Variants in AKAP6 observed in about 807,000 individuals in gnomAD.
AKAP6 encodes A-kinase anchoring protein 6.
AKAP6 carries 58 observed loss-of-function variants against 188.5 expected under a neutral mutation model. The ratio of observed to expected loss-of-function variants is 0.31; its 90% CI spans 0.25 to 0.38. The LOEUF is 0.38. Ranked by LOEUF, AKAP6 falls within the 10% of genes least tolerant of loss-of-function variation. The pLI is 1.00. For synonymous variants in AKAP6, 989 were observed against 998.6 expected (o/e 0.99, Z 0.18); for missense variants, 2,710 against 2,740.0 (o/e 0.99, Z 0.24).
intron 2 of AKAP6, among the ~76,000 whole-genome samples, chr14:32,476,383 A>G (rs1879067345): frequency 6.6e-6 from 1 of 152,184 alleles, no homozygotes. Flanking sequence ...GTGCCTCCTT[A>G]TTTGGAAGCC....
At chr14:32,384,483 A>T (rs529103139) in intron 1 of AKAP6, among the ~76,000 whole-genome samples, 1 of 152,290 alleles carries the variant, frequency 6.6e-6, no homozygotes, top group South Asian at 2.1e-4. Context: ...GATAATGGCT[A>T]CCTACAAGAA....
At chr14:32,472,043 G>T (rs183597747) in intron 2 of AKAP6, among the ~76,000 whole-genome samples, 1 of 152,036 alleles carries the variant, frequency 6.6e-6, no homozygotes, top group Non-Finnish European at 1.5e-5. Flanking sequence ...CCCAGGAATC[G>T]GATTCTGAGG....
intron 7 of AKAP6, among the ~76,000 whole-genome samples, chr14:32,675,370 G>A (rs1317709476): frequency 1.3e-5 from 2 of 152,102 alleles, no homozygotes; most frequent in Non-Finnish European, 2.9e-5. Flanking sequence ...ATTTAATCAT[G>A]CTAAGTTTCC....
chr14:32,485,766 C>T (rs1879652139), intron 2 of AKAP6, among the ~76,000 whole-genome samples: 1 of 152,082 alleles, frequency 6.6e-6, no homozygotes, highest in African/African-American at 2.4e-5. Context: ...CTGTAGGTTG[C>T]CTGTTCACTC....
chr14:32,367,936 G>A (rs900100577), intron 1 of AKAP6, among the ~76,000 whole-genome samples: 7 of 152,206 alleles, frequency 4.6e-5, no homozygotes, highest in African/African-American at 1.7e-4. Context: ...GAAACTCAGT[G>A]CCTCACAGAC....
intron 5 of AKAP6, among the ~76,000 whole-genome samples, chr14:32,586,825 A>G (rs555768910): frequency 6.6e-6 from 1 of 152,226 alleles, no homozygotes; most frequent in Non-Finnish European, 1.5e-5. Context: ...TTTTTCTATT[A>G]CAAATGATGC....
rs2032350106 is a variant in AKAP6, at chr14:32,756,779, CTG to C, written c.3373-16896_3373-16895del. Among the ~76,000 whole-genome samples the C allele has an allele frequency of 3.3e-5, 5 of 152,024 alleles. No individual in the cohort carries two copies. In the South Asian group the frequency reaches 1.0e-3, roughly 32 times the overall value. On this transcript the variant is annotated intron_variant, in intron 11 of 13. Coordinates refer to ENST00000280979, the MANE Select transcript of AKAP6 (RefSeq NM_004274.5). ...TAGGGTCTCCTGGGATGGGTTTTGA[CTG>C]TGAGTCCATTGCAGTGTGATGCTGC...
At chr14:32,459,692 C>T (rs1373372498) in intron 2 of AKAP6, among the ~76,000 whole-genome samples, 1 of 145,852 alleles carries the variant, frequency 6.9e-6, no homozygotes, top group African/African-American at 2.5e-5. Flanking sequence ...ACAGCCAAGT[C>T]ATTAATAAGA....
At chr14:32,718,850 C>T (rs2030373704) in intron 9 of AKAP6, among the ~76,000 whole-genome samples, 1 of 152,098 alleles carries the variant, frequency 6.6e-6, no homozygotes, top group Non-Finnish European at 1.5e-5. Context: ...GGGAGAAATT[C>T]AAATGAATAA....
chr14:32,501,384 G>C (rs7144631), intron 2 of AKAP6, among the ~76,000 whole-genome samples: 3 of 151,996 alleles, frequency 2.0e-5, no homozygotes, highest in Non-Finnish European at 2.9e-5. Flanking sequence ...CAGAATCCTC[G>C]ATCTTCAGAA....
intron 12 of AKAP6, among the ~76,000 whole-genome samples, chr14:32,777,003 A>G (rs563351239): frequency 6.6e-6 from 1 of 152,312 alleles, no homozygotes; most frequent in African/African-American, 2.4e-5. Context: ...TGGAGCTTGC[A>G]CAGAGCTAGA....
intron 10 of AKAP6, among the ~76,000 whole-genome samples, chr14:32,735,413 C>T (rs191853446): frequency 3.9e-5 from 6 of 151,984 alleles, no homozygotes; most frequent in South Asian, 2.1e-4. Context: ...CTTAAGTATC[C>T]GCTGGTACTC....
Position 32,545,292 on chromosome 14 carries a change from A to G in AKAP6, c.639A>G (p.Gln213=). 6.2e-7 allele frequency: 1 copy of G among 1,614,116 alleles called. No homozygotes were observed. Among genetic ancestry groups the G allele is most frequent in the Non-Finnish European group, 8.5e-7 (1 of 1,179,996 alleles). The part of the protein sequence containing the change: ...DSGQLTIKCS[Q]NYLSLDCGIT... ...GACAATTAACCATCAAATGTTCTCAAAATTACTTGTCTCTGGATTGTGGCA... is the reference window on the plus strand; with the variant it reads ...GACAATTAACCATCAAATGTTCTCAGAATTACTTGTCTCTGGATTGTGGCA... The change falls in exon 4 of 14, where the codon CAA becomes CAG. Residue 213 remains glutamine, a synonymous_variant. Coordinates refer to ENST00000280979, the MANE Select transcript of AKAP6 (RefSeq NM_004274.5).
At chr14:32,780,157 C>CATATATATTTATATATATATATATATAT (rs2033199188) in intron 12 of AKAP6, among the ~76,000 whole-genome samples, 1 of 119,346 alleles carries the variant, frequency 8.4e-6, no homozygotes, top group Admixed American at 8.1e-5. Flanking sequence ...AAAAAAAAAA[C>CATATATATTTATATATATATATATATAT]ATATATATAT....
intron 13 of AKAP6, among the ~76,000 whole-genome samples, chr14:32,827,556 T>A (rs1204799310): frequency 1.3e-5 from 2 of 152,232 alleles, no homozygotes; most frequent in Admixed American, 1.3e-4. Flanking sequence ...ACAGTATGCA[T>A]TTGCACTGAT....
intron 12 of AKAP6, among the ~76,000 whole-genome samples, chr14:32,805,735 A>G (rs1470172917): frequency 1.3e-5 from 2 of 152,216 alleles, no homozygotes; most frequent in Non-Finnish European, 2.9e-5. Flanking sequence ...TTTTTCATTT[A>G]GTTCTAATAT....
intron 1 of AKAP6, among the ~76,000 whole-genome samples, chr14:32,331,207 A>T (rs1886521611): frequency 6.6e-6 from 1 of 152,102 alleles, no homozygotes; most frequent in South Asian, 2.1e-4. Context: ...AGGAGTAAAA[A>T]AAAGCAAAAG....
intron 2 of AKAP6, among the ~76,000 whole-genome samples, chr14:32,444,352 G>A (rs565868804): frequency 1.3e-5 from 2 of 152,230 alleles, no homozygotes; most frequent in African/African-American, 2.4e-5. Context: ...ATTTGCTCTC[G>A]TCACGCTCAA....
At chr14:32,738,143 G>A (rs1320019954) in intron 11 of AKAP6, among the ~76,000 whole-genome samples, 1 of 152,082 alleles carries the variant, frequency 6.6e-6, no homozygotes, top group African/African-American at 2.4e-5. Context: ...GTATGTCAGG[G>A]ATTTAATGAG....
Sources: allele counts gnomAD v4.1 joint callset (sites outside exome capture counted in the v4.1 genomes callset), GRCh38; gene constraint gnomAD v4.1.1; transcripts MANE v1.5; gene names NCBI Gene and HGNC (gene_info 2026-07-23, HGNC 2026-07-21).